Variants in MAP3K14 observed in about 807,000 individuals in gnomAD.
MAP3K14 encodes the protein mitogen-activated protein kinase kinase kinase 14.
MAP3K14 carries 16 observed loss-of-function variants against 99.2 expected under a neutral mutation model. The ratio of observed to expected loss-of-function variants is 0.16; its 90% confidence interval spans 0.11 to 0.24. The LOEUF (loss-of-function observed/expected upper bound fraction) is 0.24, where lower values mean the gene tolerates loss of function less well. MAP3K14 is among the 10% of genes least tolerant of loss of function. The pLI is 1.00. For synonymous variants in MAP3K14, 462 were observed against 492.4 expected (o/e 0.94, Z 0.82); for missense variants, 784 against 1,208.7 (o/e 0.65, Z 5.21).
rs929406857 is a variant in MAP3K14 at position 45,273,922 on chromosome 17, GCCA to G, written c.1552+198_1552+200del. 10 of 710,764 alleles carry G rather than the reference GCCA, an allele frequency of 1.4e-5. No homozygotes were observed. In the African/African-American group the frequency reaches 1.8e-4, roughly 13 times the overall value. The allele number at this position is 710,764 out of a possible 1,614,324, so 44.0% of individuals were successfully genotyped here. ...GGAGCTTGACCTTCGGTTCTCTGTG[GCCA>G]CCGTCTACCAGAAACTACAGTGCTT... On this transcript the variant is annotated intron_variant, in intron 8 of 15. Transcript: ENST00000344686.
intron 3 of MAP3K14, among the ~76,000 whole-genome samples, chr17:45,288,646 G>T (rs1267960132): frequency 6.6e-6 from 1 of 152,092 alleles, no homozygotes; most frequent in East Asian, 1.9e-4. Context: ...AAAGTGCTGG[G>T]ATTATAGGTG....
intron 1 of MAP3K14, among the ~76,000 whole-genome samples, chr17:45,299,548 A>G (rs2143848753): frequency 6.6e-6 from 1 of 152,274 alleles, no homozygotes; most frequent in African/African-American, 2.4e-5. Flanking sequence ...GATCCCTGGG[A>G]CATAGAAACA....
At chr17:45,276,584 T>A (rs1336025181) in intron 6 of MAP3K14, among the ~76,000 whole-genome samples, 1 of 151,750 alleles carries the variant, frequency 6.6e-6, no homozygotes, top group Admixed American at 6.6e-5. Context: ...CAATCTCAGC[T>A]AATTACAACC....
intron 2 of MAP3K14, among the ~76,000 whole-genome samples, chr17:45,290,058 C>T (rs11574814): frequency 0.12 from 18,427 of 152,264 alleles, 1,375 homozygotes; most frequent in Non-Finnish European, 0.17. Context: ...CTCAAGAGCA[C>T]GGTGCTCATT....
intron 6 of MAP3K14, among the ~76,000 whole-genome samples, chr17:45,276,309 C>T (rs1040611758): frequency 6.6e-6 from 1 of 152,160 alleles, no homozygotes; most frequent in Non-Finnish European, 1.5e-5. Context: ...ATCCTGGCTC[C>T]GCCTTTTAAA....
intron 1 of MAP3K14, among the ~76,000 whole-genome samples, chr17:45,294,621 G>C (rs1231765924): frequency 6.6e-6 from 1 of 152,170 alleles, no homozygotes; most frequent in East Asian, 1.9e-4. Context: ...CTCCAATGCA[G>C]CAGTTTCCAA....
In MAP3K14 at chr17:45,267,627, G is replaced by A; in HGVS notation, c.2105C>T (p.Pro702Leu). Residue 702 changes from proline to leucine, a missense_variant, in exon 12 of 16, where the codon CCA becomes CTA. Physicochemically the swap from Pro to Leu is moderately conservative, Grantham distance 98. Transcript: ENST00000344686. This position sits in a 1 kb window ranked among gnomAD's most constrained non-coding sequence, Gnocchi z 5.1. Reference sequence around the variant, plus strand: ...GGCTCTGCCTGTTGTCTCCTCAGCTGGCCGGGGCCCTGGGGCCCTTGGCGA... The same window carrying A: ...GGCTCTGCCTGTTGTCTCCTCAGCTAGCCGGGGCCCTGGGGCCCTTGGCGA... ...ELSPRAPGPRPAEETTGRAPK... is the reference protein window; with the variant it reads ...ELSPRAPGPRLAEETTGRAPK... 6.2e-7 allele frequency: 1 copy of A among 1,613,450 alleles called. No homozygotes were observed.
intron 6 of MAP3K14, among the ~76,000 whole-genome samples, chr17:45,281,263 AT>A (rs541007842): frequency 1.3e-5 from 2 of 150,234 alleles, no homozygotes; most frequent in Non-Finnish European, 3.0e-5. Flanking sequence ...TGCCTGGCTA[AT>A]TTTTTTTCTT....
intron 9 of MAP3K14, among the ~76,000 whole-genome samples, chr17:45,271,696 G>C (rs913393674): frequency 1.3e-5 from 2 of 152,192 alleles, no homozygotes; most frequent in African/African-American, 2.4e-5. Flanking sequence ...CAGACTTGTA[G>C]GGAGGAGCTA....
chr17:45,270,917 G>A (rs1336631275), intron 10 of MAP3K14, 141 bp downstream of exon 10: 1 of 1,204,340 alleles, frequency 8.3e-7, no homozygotes, highest in East Asian at 2.5e-5. Context: ...TGGGTGGCAA[G>A]TATTTGAATT....
intron 11 of MAP3K14, among the ~76,000 whole-genome samples, chr17:45,269,057 C>T (rs192802800): frequency 8.2e-4 from 125 of 152,250 alleles, no homozygotes; most frequent in African/African-American, 2.7e-3. Flanking sequence ...GTCTCTGTTG[C>T]GCAGGCTGGA....
chr17:45,288,082 C>G (rs2044281807), intron 3 of MAP3K14, among the ~76,000 whole-genome samples: 1 of 152,204 alleles, frequency 6.6e-6, no homozygotes, highest in Non-Finnish European at 1.5e-5. Context: ...CTCAGCCACC[C>G]TCCCTTGGCC....
At chr17:45,298,277 G>A (rs1374579299) in intron 1 of MAP3K14, among the ~76,000 whole-genome samples, 2 of 152,066 alleles carry the variant, frequency 1.3e-5, no homozygotes, top group Non-Finnish European at 2.9e-5. Flanking sequence ...TCTGATACAA[G>A]GCAAGGCAAG....
In MAP3K14 at chr17:45,288,027, G is replaced by A. The variant is rs184580510; in HGVS notation, c.327-663C>T. Among the ~76,000 whole-genome samples the A allele has an allele frequency of 4.1e-4, 63 of 152,306 alleles. 1 individual carries two copies. The highest frequency in any genetic ancestry group is 7.8e-4 in the Non-Finnish European group (53 of 68,008). On this transcript the variant is annotated intron_variant, in intron 3 of 15. Transcript: ENST00000344686. Reference sequence around the variant, plus strand: ...TCCCTGCCAAGTATTAAAGGACCCGGCAACAGATGGGTTGCTGCAGAACAG... The same window carrying A: ...TCCCTGCCAAGTATTAAAGGACCCGACAACAGATGGGTTGCTGCAGAACAG...
intron 1 of MAP3K14, among the ~76,000 whole-genome samples, chr17:45,296,107 A>G (rs2044344748): frequency 3.9e-5 from 6 of 152,214 alleles, no homozygotes; most frequent in Admixed American, 2.0e-4. Context: ...AAATAGCAGA[A>G]GTAGAATGAC....
intron 15 of MAP3K14, 78 bp from the exon 16 acceptor site, chr17:45,264,878 C>T: frequency 6.8e-7 from 1 of 1,464,604 alleles, no homozygotes; most frequent in Non-Finnish European, 9.3e-7. Context: ...ACATCTCCTT[C>T]CAGCCAGACC....
At chr17:45,315,028 A>G (rs1420335021) in intron 1 of MAP3K14, among the ~76,000 whole-genome samples, 1 of 152,108 alleles carries the variant, frequency 6.6e-6, no homozygotes, top group Non-Finnish European at 1.5e-5. Context: ...AAAAAAAAAA[A>G]AAATCACAAC....
At chr17:45,306,129 T>A (rs1183382430) in intron 1 of MAP3K14, among the ~76,000 whole-genome samples, 1 of 152,214 alleles carries the variant, frequency 6.6e-6, no homozygotes, top group Non-Finnish European at 1.5e-5. Flanking sequence ...TGCATTTTTT[T>A]CTTGAATCCT....
intron 6 of MAP3K14, among the ~76,000 whole-genome samples, chr17:45,282,619 G>A (rs1025455519): frequency 1.3e-5 from 2 of 151,676 alleles, no homozygotes; most frequent in South Asian, 4.2e-4. Context: ...AAAAACAACT[G>A]CATCAAACCC....
Sources: gnomAD v4.1 joint callset for allele counts (sites outside exome capture counted in the v4.1 genomes callset) on GRCh38, gnomAD v4.1.1 for gene constraint, Gnocchi (gnomAD v3.1) non-coding constraint, MANE v1.5 for transcripts, NCBI Gene and HGNC (gene_info 2026-07-23, HGNC 2026-07-21) for gene names.